PHF19: variants seen among roughly 807,000 people sequenced by gnomAD.
PHF19 encodes polycomb like 3.
In PHF19, 21 loss-of-function variants were observed where a neutral mutation model predicts 79.8. The observed-to-expected ratio is 0.26, with a 90% confidence interval of 0.19 to 0.38. The LOEUF is 0.38. PHF19 is among the 10% of genes least tolerant of loss of function. The pLI is 1.00. For synonymous variants in PHF19, 273 were observed against 296.3 expected, an observed-to-expected ratio of 0.92 and a Z score of 0.81; for missense variants, 445 against 744.2, an observed-to-expected ratio of 0.60 and a Z score of 4.68.
chr9:120,865,644 C>T, intron 9 of PHF19, 66 bp downstream of exon 9: 1 of 1,593,702 alleles, frequency 6.3e-7, no homozygotes, highest in South Asian at 1.1e-5. Context: ...CATCCTAGTC[C>T]TGCACTGCGT....
chr9:120,901,503 C>T, the PHF19 span, among the ~76,000 whole-genome samples: 1 of 152,162 alleles, frequency 6.6e-6, no homozygotes, highest in Non-Finnish European at 1.5e-5. Flanking sequence ...CTGCAAATAC[C>T]TGATTTCTAA....
upstream of PHF19, among the ~76,000 whole-genome samples, chr9:120,879,901 G>T (rs2046153778): frequency 6.6e-6 from 1 of 152,072 alleles, no homozygotes; most frequent in Non-Finnish European, 1.5e-5. Flanking sequence ...AATGTGAAAA[G>T]GTGCTCAACC....
chr9:120,865,215 C>T (rs1190296753), intron 9 of PHF19, among the ~76,000 whole-genome samples: 2 of 152,160 alleles, frequency 1.3e-5, no homozygotes, highest in African/African-American at 2.4e-5. Context: ...GACACAGCAC[C>T]CCCGTGGGAG....
intron 1 of PHF19, among the ~76,000 whole-genome samples, chr9:120,888,320 C>T (rs2046296702): frequency 6.6e-6 from 1 of 152,144 alleles, no homozygotes; most frequent in African/African-American, 2.4e-5. Flanking sequence ...GCTAGAAGCT[C>T]CCAGATGGGA....
At chr9:120,863,543 T>C (rs916926054) in intron 10 of PHF19, among the ~76,000 whole-genome samples, 1 of 151,966 alleles carries the variant, frequency 6.6e-6, no homozygotes, top group African/African-American at 2.4e-5. Context: ...GCACCCAGAA[T>C]ACAGAAAGCA....
In PHF19 at chr9:120,869,079, C is replaced by T; in HGVS notation, c.614+103G>A. On this transcript the variant is annotated intron_variant, in intron 6 of 14. Transcript: ENST00000373896. This position sits in a 1 kb window ranked among gnomAD's most constrained non-coding sequence, Gnocchi z 5.8. ...CACACTGGGCCCGCCCTCAAGGTCC[C>T]CGCCTTGGCTGACACGCCAGGCTCG... 2 of 1,310,802 alleles carry T rather than the reference C, an allele frequency of 1.5e-6. No homozygotes were observed. The highest frequency in any genetic ancestry group is 2.0e-6 in the Non-Finnish European group (2 of 982,502). The allele number at this position is 1,310,802 out of a possible 1,614,324, so 81.2% of individuals were successfully genotyped here.
chr9:120,893,522 G>C (rs904156928), intron 1 of PHF19, among the ~76,000 whole-genome samples: 1 of 152,104 alleles, frequency 6.6e-6, no homozygotes, highest in African/African-American at 2.4e-5. Flanking sequence ...TCCCTTTCTG[G>C]AAGCCTCTGG....
At chr9:120,858,849 A>ACACACAC (rs1564489796) in intron 14 of PHF19, among the ~76,000 whole-genome samples, 4 of 151,836 alleles carry the variant, frequency 2.6e-5, no homozygotes, top group African/African-American at 4.8e-5. Flanking sequence ...ACACACACAC[A>ACACACAC]CACACACACG....
upstream of PHF19, among the ~76,000 whole-genome samples, chr9:120,896,076 C>T (rs902138092): frequency 4.6e-5 from 7 of 152,174 alleles, no homozygotes; most frequent in African/African-American, 1.4e-4. Context: ...AGTGACCTCA[C>T]CTCTCTGAGC....
At position 120,865,683 on chromosome 9, in the gene PHF19, C is replaced by T; in HGVS notation, c.900+27G>A. ...CCTGGGCAAACCTCTCTGCCTCCTG[C>T]CACTGACATCCCACAACCCCACATA... On this transcript the variant is annotated intron_variant, in intron 9 of 14. Coordinates refer to ENST00000373896, the MANE Select transcript of PHF19 (RefSeq NM_015651.3). 1.9e-6 allele frequency: 3 copies of T among 1,613,770 alleles called. No homozygotes were observed. In the African/African-American group the frequency reaches 4.0e-5, roughly 22 times the overall value.
At chr9:120,885,128 G>A (rs2046245011) in intron 1 of PHF19, among the ~76,000 whole-genome samples, 1 of 152,152 alleles carries the variant, frequency 6.6e-6, no homozygotes, top group Admixed American at 6.5e-5. Context: ...TGAAGTAGGA[G>A]GATTGCTTGA....
chr9:120,862,468 A>G lies in PHF19; in HGVS notation c.1130+120T>C, dbSNP rs1225263359. On this transcript the variant is annotated intron_variant, in intron 11 of 14. Transcript: ENST00000373896. The surrounding 1 kb of genome is among the most constrained non-coding windows in gnomAD (Gnocchi z 4.6). ...GGATCTGGGATCCCGCTCAGCCACT[A>G]TCTAGCCCTCTCAGGGTCCTACAGC... 6.2e-6 allele frequency: 5 copies of G among 804,284 alleles called. No homozygotes were observed. The highest frequency in any genetic ancestry group is 1.6e-5 in the South Asian group (1 of 62,270). 49.8% of individuals were successfully genotyped at this position (804,284 alleles called of 1,614,324 possible). A position where few individuals can be genotyped will look rare whatever the true frequency, so the allele number is the denominator to read the frequency against.
chr9:120,896,446 T>C (rs1453754341), upstream of PHF19, among the ~76,000 whole-genome samples: 12 of 126,842 alleles, frequency 9.5e-5, no homozygotes, highest in Non-Finnish European at 1.6e-4. Flanking sequence ...TCTTTTTTTT[T>C]TTTTCTTTTT....
rs1413538348 is a variant in PHF19 at position 120,860,196 on chromosome 9, C to A, written c.1305-11G>T. ...TGGCCTGAGCTGGCACTGAGAGGGG[C>A]AAGACCGTGAGCCTGCTGGTGGCCC... On this transcript the variant is annotated splice_polypyrimidine_tract_variant and intron_variant, in intron 13 of 14. Coordinates refer to ENST00000373896, the MANE Select transcript of PHF19 (RefSeq NM_015651.3). The surrounding 1 kb of genome is among the most constrained non-coding windows in gnomAD (Gnocchi z 4.1). 1 of 1,521,742 alleles carries A rather than the reference C, an allele frequency of 6.6e-7. No individual in the cohort carries two copies. Among genetic ancestry groups the A allele is most frequent in the Admixed American group, 1.8e-5 (1 of 55,146 alleles). The allele number at this position is 1,521,742 out of a possible 1,614,324, so 94.3% of individuals were successfully genotyped here.
Position 120,874,428 on chromosome 9 carries a change from G to T in PHF19, c.186+128C>A. The T allele has an allele frequency of 1.5e-6, 1 of 658,148 alleles. No homozygotes were observed. Among genetic ancestry groups the T allele is most frequent in the Non-Finnish European group, 2.6e-6 (1 of 379,600 alleles). 40.8% of individuals were successfully genotyped at this position (658,148 alleles called of 1,614,324 possible). A position where few individuals can be genotyped will look rare whatever the true frequency, so the allele number is the denominator to read the frequency against. On this transcript the variant is annotated intron_variant, in intron 2 of 14. Transcript: ENST00000373896. This position sits in a 1 kb window ranked among gnomAD's most constrained non-coding sequence, Gnocchi z 4.5. Reference sequence around the variant, plus strand: ...CAGGCTCTGGCCCCTCCCACCACCAGCTTTGGGCATGAGGGACAAGAAGGG... The same window carrying T: ...CAGGCTCTGGCCCCTCCCACCACCATCTTTGGGCATGAGGGACAAGAAGGG...
intron 1 of PHF19, among the ~76,000 whole-genome samples, chr9:120,884,237 T>G (rs79890314): frequency 1.3e-5 from 2 of 151,678 alleles, no homozygotes; most frequent in East Asian, 1.9e-4. Context: ...CTGACTCAGA[T>G]ATAGTTAATT....
chr9:120,868,785 G>T lies in PHF19; in HGVS notation c.614+397C>A, dbSNP rs1425199194. 3 of 973,756 alleles carry T rather than the reference G, an allele frequency of 3.1e-6. No homozygotes were observed. In the East Asian group the frequency reaches 3.3e-4, roughly 108 times the overall value. 60.3% of individuals were successfully genotyped at this position (973,756 alleles called of 1,614,324 possible). ...CTCCTCCCCACCCCGCCCCTCCACA[G>T]GGTGCTTCTCGACCTGCCTCACCTC... On this transcript the variant is annotated intron_variant, in intron 6 of 14. Coordinates refer to ENST00000373896, the MANE Select transcript of PHF19 (RefSeq NM_015651.3).
intron 1 of PHF19, among the ~76,000 whole-genome samples, chr9:120,892,232 C>G (rs2046351738): frequency 6.6e-6 from 1 of 152,196 alleles, no homozygotes; most frequent in Non-Finnish European, 1.5e-5. Context: ...TTGCGGCAAA[C>G]CCCACACGTG....
chr9:120,863,010 C>A (rs1360019608), intron 10 of PHF19: 2 of 445,522 alleles, frequency 4.5e-6, no homozygotes, highest in Non-Finnish European at 8.2e-6. Flanking sequence ...TTGTTTGCCT[C>A]AACCAGCCCC....
Sources: allele counts gnomAD v4.1 joint callset (sites outside exome capture counted in the v4.1 genomes callset), GRCh38; gene constraint gnomAD v4.1.1; non-coding constraint Gnocchi (gnomAD v3.1); transcripts MANE v1.5; gene names NCBI Gene and HGNC (gene_info 2026-07-23, HGNC 2026-07-21).